USP1: variants seen among roughly 807,000 people sequenced by gnomAD.
USP1 encodes the protein ubiquitin carboxyl-terminal hydrolase 1.
In USP1, 18 loss-of-function variants were observed where a neutral mutation model predicts 72.2. The observed-to-expected ratio is 0.25, with a 90% CI of 0.17 to 0.37. USP1 has a LOEUF of 0.37. Ranked by LOEUF, USP1 falls within the 10% of genes least tolerant of loss-of-function variation. The pLI is 1.00. For missense variants in USP1, 759 were observed against 884.9 expected (o/e 0.86, Z 1.81); for synonymous variants, 354 against 303.7 (o/e 1.17, Z -1.72).
At chr1:62,448,268 G>A (rs1272896371) in intron 7 of USP1, among the ~76,000 whole-genome samples, 197 bp from the exon 8 acceptor site, 4 of 152,258 alleles carry the variant, frequency 2.6e-5, no homozygotes, top group East Asian at 3.9e-4. Flanking sequence ...TTTTTTGGCC[G>A]ATCAAATATA....
rs1557559309 is a variant in USP1 at position 62,450,522 on chromosome 1, G to A, written c.1899G>A (p.Arg633=). Residue 633 remains arginine, a synonymous_variant, in exon 9 of 9, where the codon AGG becomes AGA. Transcript: ENST00000339950. ...KPEPLNEEEA[R]GVVENYNDEE... The stretch of plus-strand genomic sequence containing the variant: ...AACCATTGAATGAGGAGGAAGCAAG[G>A]GGTGTGGTTGAGAATTATAATGATG... 1.2e-6 allele frequency: 2 copies of A among 1,613,990 alleles called. No individual in the cohort carries two copies. The highest frequency in any genetic ancestry group is 1.7e-6 in the Non-Finnish European group (2 of 1,180,020).
intron 6 of USP1, among the ~76,000 whole-genome samples, chr1:62,446,358 CAAAA>C (rs548263870): frequency 6.6e-6 from 1 of 151,106 alleles, no homozygotes; most frequent in Non-Finnish European, 1.5e-5. Flanking sequence ...AAAAAAAAAT[CAAAA>C]AAGTCTCATA....
chr1:62,441,894 T>C (rs1022064014), intron 3 of USP1, among the ~76,000 whole-genome samples: 1 of 152,212 alleles, frequency 6.6e-6, no homozygotes, highest in Non-Finnish European at 1.5e-5. Flanking sequence ...CAGTGTGATA[T>C]ATGTCTTATC....
At chr1:62,444,215 C>T (rs1030990531) in intron 5 of USP1, among the ~76,000 whole-genome samples, 3 of 143,562 alleles carry the variant, frequency 2.1e-5, no homozygotes, top group Non-Finnish European at 4.5e-5. Flanking sequence ...GCCAAGATTG[C>T]GCCATTGCAG....
In USP1 at chr1:62,451,531, A is replaced by G. The variant is rs542111623; in HGVS notation, c.*550A>G. 1 of 152,720 alleles carries G rather than the reference A, an allele frequency of 6.5e-6. No individual in the cohort carries two copies. The highest frequency in any genetic ancestry group is 1.5e-5 in the Non-Finnish European group (1 of 68,114). The allele number at this position is 152,720 out of a possible 1,614,324, so 9.5% of individuals were successfully genotyped here. Reference sequence around the variant, plus strand: ...CTTAGAAGTGTCTCAGAAAACCTGGACAGTTCGCTTCTACACAAGAATTTT... The same window carrying G: ...CTTAGAAGTGTCTCAGAAAACCTGGGCAGTTCGCTTCTACACAAGAATTTT... On this transcript the variant is annotated 3_prime_UTR_variant, in exon 9 of 9. Coordinates refer to ENST00000339950, the MANE Select transcript of USP1 (RefSeq NM_003368.5).
In USP1 at chr1:62,445,124, C is replaced by G; in HGVS notation, c.944C>G (p.Pro315Arg). Residue 315 changes from proline (P) to arginine (R), a missense_variant, in exon 6 of 9, where the codon CCT becomes CGT. Pro to Arg is a moderately radical substitution (Grantham distance 103). Around this residue, in one of 9 missense-constraint regions of USP1, gnomAD observed 245 missense variants for 240.7 expected, o/e 1.02. Transcript: ENST00000339950. ...KATSDTLESP[P>R]KIIPKYISEN... ...ACAAGTGATACATTAGAGAGTCCTC[C>G]TAAAATAATTCCCAAGTATATTTCT... The G allele has an allele frequency of 1.2e-6, 2 of 1,613,378 alleles. No individual in the cohort carries two copies. Among genetic ancestry groups the G allele is most frequent in the Non-Finnish European group, 8.5e-7 (1 of 1,179,864 alleles).
At chr1:62,443,385 G>C (rs1645146634) in intron 5 of USP1, 66 bp downstream of exon 5, 1 of 1,427,686 alleles carries the variant, frequency 7.0e-7, no homozygotes. Context: ...GGAGGAGAAT[G>C]ACATGCGAAG....
chr1:62,447,506 C>G lies in USP1; in HGVS notation c.1415C>G (p.Ser472Cys). The stretch of plus-strand genomic sequence containing the variant: ...GAGCTTTCCAAAGTAGAGGAGAGTT[C>G]TGAAAGTAAGCAAAATTGGAGTCTT... ...EDELSKVEES[S>C]EISPEPKTEM... The change falls in exon 7 of 9, where the codon TCT becomes TGT. Residue 472 changes from serine to cysteine, a missense_variant. Physicochemically the swap from Ser to Cys is moderately radical, Grantham distance 112. This residue lies in a region of USP1 where 140 missense variants were observed against 222.8 expected (regional missense o/e 0.63). Coordinates refer to ENST00000339950, the MANE Select transcript of USP1 (RefSeq NM_003368.5). 1.2e-6 allele frequency: 2 copies of G among 1,609,692 alleles called. No homozygotes were observed. Among genetic ancestry groups the G allele is most frequent in the Non-Finnish European group, 1.7e-6 (2 of 1,178,794 alleles).
chr1:62,438,219 A>G (rs142353580), intron 1 of USP1, among the ~76,000 whole-genome samples: 305 of 152,030 alleles, frequency 2.0e-3, no homozygotes, highest in Non-Finnish European at 3.4e-3. Flanking sequence ...TAGTCTGGTT[A>G]CTCTGTCGGT....
Position 62,439,975 on chromosome 1 carries a change from T to C in USP1, c.108T>C (p.Ala36=). The C allele has an allele frequency of 6.4e-7, 1 of 1,560,314 alleles. No homozygotes were observed. The highest frequency in any genetic ancestry group is 8.6e-7 in the Non-Finnish European group (1 of 1,159,486). Residue 36 remains alanine (A), a synonymous_variant, in exon 2 of 9, where the codon GCT becomes GCC. Coordinates refer to ENST00000339950, the MANE Select transcript of USP1 (RefSeq NM_003368.5). ...KFFQKKETKR[A]LDFTDSQENE... ...TTCAGAAAAAGGAAACTAAGAGAGC[T>C]TTGGATTTCACAGATTCTCAAGAAA...
chr1:62,446,128 A>G (rs965176600), intron 6 of USP1, among the ~76,000 whole-genome samples: 5 of 152,092 alleles, frequency 3.3e-5, no homozygotes, highest in African/African-American at 1.2e-4. Context: ...AAGTACAGTC[A>G]TGTGTTGCTT....
intron 8 of USP1, 61 bp from the exon 9 acceptor site, chr1:62,450,185 G>GTA (rs1645204191): frequency 6.5e-7 from 1 of 1,541,592 alleles, no homozygotes; most frequent in South Asian, 1.3e-5. Context: ...TCAGATTGGG[G>GTA]TATAACATTT....
chr1:62,439,342 G>A (rs1216593912), intron 1 of USP1, among the ~76,000 whole-genome samples: 1 of 152,020 alleles, frequency 6.6e-6, no homozygotes, highest in Non-Finnish European at 1.5e-5. Flanking sequence ...CCGCCAGCAC[G>A]CCCGGCTAAT....
At chr1:62,446,814 A>AT (rs1222199466) in intron 6 of USP1, among the ~76,000 whole-genome samples, 2 of 151,320 alleles carry the variant, frequency 1.3e-5, no homozygotes, top group South Asian at 2.1e-4. Context: ...TTTATTTTTT[A>AT]TTTTTTTTAT....
intron 8 of USP1, among the ~76,000 whole-genome samples, chr1:62,449,746 T>C (rs894382591): frequency 4.6e-5 from 7 of 152,040 alleles, no homozygotes; most frequent in African/African-American, 1.7e-4. Flanking sequence ...ACCCTATCTC[T>C]ACAAAAAATA....
intron 3 of USP1, among the ~76,000 whole-genome samples, chr1:62,441,977 C>T (rs1446971462): frequency 6.6e-6 from 1 of 152,102 alleles, no homozygotes; most frequent in African/African-American, 2.4e-5. Context: ...ACCTTAAAGT[C>T]TTAGCAATAT....
At chr1:62,448,810 T>G in intron 8 of USP1, 144 bp downstream of exon 8, 4 of 807,700 alleles carry the variant, frequency 5.0e-6, no homozygotes, top group Non-Finnish European at 7.7e-6. Context: ...TTGTTCTTAT[T>G]AACAGTTTCC....
intron 3 of USP1, 108 bp from the exon 4 acceptor site, chr1:62,442,087 T>C: frequency 1.4e-6 from 1 of 720,728 alleles, no homozygotes; most frequent in Non-Finnish European, 2.2e-6. Flanking sequence ...CTCAGAATTT[T>C]AGGGTAATAC....
At position 62,437,232 on chromosome 1, in the gene USP1, C is replaced by T; in HGVS notation, c.-238C>T. ...GAGCGAGCGGCGGTCGGGGTTCCCG[C>T]TCTTGGGAGCGGATGGTCACTCCCC... On this transcript the variant is annotated 5_prime_UTR_variant, in exon 1 of 9. Transcript: ENST00000339950. The T allele has an allele frequency of 2.5e-6, 1 of 398,456 alleles. No individual in the cohort carries two copies. The highest frequency in any genetic ancestry group is 4.4e-6 in the Non-Finnish European group (1 of 225,930). 24.7% of individuals were successfully genotyped at this position (398,456 alleles called of 1,614,324 possible).
Sources: gnomAD v4.1 joint callset for allele counts (sites outside exome capture counted in the v4.1 genomes callset) on GRCh38, gnomAD v4.1.1 for gene constraint, gnomAD v4.1.1 regional missense constraint, MANE v1.5 for transcripts, NCBI Gene and HGNC (gene_info 2026-07-23, HGNC 2026-07-21) for gene names.